The following FGF14 variants were observed in gnomAD, a reference collection of about 807,000 sequenced individuals.
FGF14 encodes the protein fibroblast growth factor 14.
A neutral mutation model predicts 25.5 loss-of-function variants in FGF14; 5 were observed. The observed-to-expected ratio is 0.20, with a 90% confidence interval of 0.10 to 0.41. The LOEUF (loss-of-function observed/expected upper bound fraction) is 0.41, where lower values mean the gene tolerates loss of function less well. FGF14 is among the 10% of genes least tolerant of loss of function. The probability of loss-of-function intolerance (pLI) is 1.00; values close to 1 mark genes in which losing one functional copy is unlikely to be tolerated. For synonymous variants in FGF14, 138 were observed against 118.3 expected (o/e 1.17, Z -1.08); for missense variants, 222 against 320.1 (o/e 0.69, Z 2.34).
intron 1 of FGF14, among the ~76,000 whole-genome samples, chr13:102,200,873 C>T (rs149696736): frequency 0.01 from 1,572 of 151,888 alleles, 11 homozygotes; most frequent in Non-Finnish European, 0.014. Flanking sequence ...GAGGACAAGG[C>T]GGGCGGATCA....
chr13:102,261,573 A>G (rs573185940), intron 1 of FGF14, among the ~76,000 whole-genome samples: 1 of 152,352 alleles, frequency 6.6e-6, no homozygotes, highest in Admixed American at 6.5e-5. Context: ...GGGGAAGGAA[A>G]GATGACAGCA....
At chr13:102,324,518 C>T (rs1170729686) in intron 1 of FGF14, among the ~76,000 whole-genome samples, 1 of 152,140 alleles carries the variant, frequency 6.6e-6, no homozygotes, top group Non-Finnish European at 1.5e-5. Context: ...TCTTCCCACC[C>T]CTTGTGGAGC....
intron 1 of FGF14, among the ~76,000 whole-genome samples, chr13:102,267,775 T>C (rs959958386): frequency 1.3e-4 from 20 of 152,086 alleles, no homozygotes; most frequent in African/African-American, 4.8e-4. Context: ...TCATGTAAAG[T>C]ACTAAAATTT....
intron 1 of FGF14, among the ~76,000 whole-genome samples, chr13:101,943,131 G>A (rs1287295739): frequency 1.3e-5 from 2 of 152,192 alleles, no homozygotes; most frequent in Non-Finnish European, 2.9e-5. Context: ...CTAGTCCATG[G>A]ATAACAACTA....
At chr13:102,036,392 T>C (rs1290288325) in intron 1 of FGF14, among the ~76,000 whole-genome samples, 1 of 152,082 alleles carries the variant, frequency 6.6e-6, no homozygotes, top group East Asian at 1.9e-4. Flanking sequence ...GCAGAACTAT[T>C]AATCTGTCCC....
intron 1 of FGF14, chr13:102,401,335 C>G: frequency 1.2e-6 from 1 of 803,790 alleles, no homozygotes; most frequent in Middle Eastern, 3.3e-4. Context: ...TCATGCAACA[C>G]CTCTATATGC....
chr13:101,766,719 G>A (rs1474194850), intron 3 of FGF14, among the ~76,000 whole-genome samples: 6 of 152,148 alleles, frequency 3.9e-5, no homozygotes, highest in Admixed American at 3.9e-4. Flanking sequence ...TAAGGTCATA[G>A]TAGTTTAGGG....
intron 1 of FGF14, among the ~76,000 whole-genome samples, chr13:102,009,255 T>G (rs9557783): frequency 6.6e-6 from 1 of 151,924 alleles, no homozygotes; most frequent in African/African-American, 2.4e-5. Flanking sequence ...CACTATAAAC[T>G]TCTTTCCATG....
chr13:102,232,691 C>A (rs558884091), intron 1 of FGF14, among the ~76,000 whole-genome samples: 36 of 152,246 alleles, frequency 2.4e-4, no homozygotes, highest in Non-Finnish European at 4.1e-4. Context: ...TATATTTTGA[C>A]ACAAAAATAA....
At position 101,772,905 on chromosome 13, in the gene FGF14, T is replaced by C. The variant is rs71435117; in HGVS notation, c.409-46095A>G. Among the ~76,000 whole-genome samples the C allele has an allele frequency of 8.7e-3, 1,324 of 152,274 alleles. 16 individuals carry two copies. The highest frequency in any genetic ancestry group is 0.014 in the Non-Finnish European group (971 of 67,994). On this transcript the variant is annotated intron_variant, in intron 3 of 4. Coordinates refer to ENST00000376143, the MANE Select transcript of FGF14 (RefSeq NM_004115.4). The stretch of plus-strand genomic sequence containing the variant: ...CCAAATTATGAACTATTTTTAATCA[T>C]TTATTTGGCTTAGTTATTTATAATC...
intron 1 of FGF14, among the ~76,000 whole-genome samples, chr13:102,179,519 T>G (rs1337873669): frequency 2.0e-5 from 3 of 152,110 alleles, no homozygotes; most frequent in Non-Finnish European, 4.4e-5. Context: ...CCAATACTCA[T>G]AATAAACAAA....
At chr13:102,358,586 G>GT (rs1265898645) in intron 1 of FGF14, among the ~76,000 whole-genome samples, 7 of 152,090 alleles carry the variant, frequency 4.6e-5, no homozygotes, top group Non-Finnish European at 7.3e-5. Context: ...GTGTGTGTGC[G>GT]TATGTTCTGA....
intron 1 of FGF14, among the ~76,000 whole-genome samples, chr13:102,233,449 T>C (rs1406592706): frequency 3.7e-5 from 3 of 81,372 alleles, no homozygotes; most frequent in Non-Finnish European, 6.4e-5. Context: ...TTATTTAACT[T>C]GCTTTTTTTT....
At position 102,357,513 on chromosome 13, in the gene FGF14, G is replaced by A. The variant is rs957846481; in HGVS notation, c.208+43958C>T. On this transcript the variant is annotated intron_variant, in intron 1 of 4. Coordinates refer to the FGF14 transcript ENST00000376131. ...TGTTAAAATGCAACTCAATGTAGCT[G>A]TTAAAACAGTATGTTCTGCAGTCAG... is the stretch of plus-strand genomic sequence containing the variant. 2.6e-5 allele frequency among the ~76,000 whole-genome samples: 4 copies of A among 152,298 alleles called. No individual in the cohort carries two copies. In the South Asian group the frequency reaches 6.2e-4, roughly 24 times the overall value.
intron 1 of FGF14, among the ~76,000 whole-genome samples, chr13:102,356,023 C>G (rs2057409259): frequency 6.6e-6 from 1 of 152,128 alleles, no homozygotes; most frequent in Admixed American, 6.5e-5. Context: ...ATTTAATTGC[C>G]ATTTAGAAGT....
chr13:102,321,895 T>C (rs1249122048), intron 1 of FGF14, among the ~76,000 whole-genome samples: 1 of 152,164 alleles, frequency 6.6e-6, no homozygotes, highest in Admixed American at 6.6e-5. Context: ...AACCCAAAGG[T>C]AGAAAGTGGC....
chr13:102,000,187 C>A (rs187544547), intron 1 of FGF14, among the ~76,000 whole-genome samples: 1 of 152,058 alleles, frequency 6.6e-6, no homozygotes, highest in South Asian at 2.1e-4. Context: ...GGCCTGGTGG[C>A]GGGCACCTGT....
chr13:101,998,261 T>C (rs550666828), intron 1 of FGF14, among the ~76,000 whole-genome samples: 13 of 152,296 alleles, frequency 8.5e-5, no homozygotes, highest in African/African-American at 2.6e-4. Context: ...TTAAAGAATA[T>C]TGGAACATTT....
chr13:102,333,030 C>T (rs1386795050), intron 1 of FGF14, among the ~76,000 whole-genome samples: 2 of 152,036 alleles, frequency 1.3e-5, no homozygotes, highest in Non-Finnish European at 2.9e-5. Flanking sequence ...TTTCTATATG[C>T]GGTATTTCTA....
Sources: allele counts gnomAD v4.1 joint callset (sites outside exome capture counted in the v4.1 genomes callset), GRCh38; gene constraint gnomAD v4.1.1; transcripts MANE v1.5; gene names NCBI Gene and HGNC (gene_info 2026-07-23, HGNC 2026-07-21).